C9orf85: variants seen among roughly 807,000 people sequenced by gnomAD.
C9orf85 encodes the protein uncharacterized protein C9orf85.
Under a neutral mutation model 14.9 loss-of-function variants are expected in C9orf85, and 16 were observed. The ratio of observed to expected loss-of-function variants is 1.08; its 90% CI spans 0.73 to 1.63. The LOEUF (loss-of-function observed/expected upper bound fraction) is 1.63. C9orf85 is among the 40% of genes most tolerant of loss of function. C9orf85 has a pLI of 0.00. For synonymous variants in C9orf85, 45 were observed against 56.8 expected (o/e 0.79, Z 0.93); for missense variants, 172 against 186.1 (o/e 0.92, Z 0.44).
At position 71,931,059 on chromosome 9, in the gene C9orf85, C is replaced by T. The variant is rs368698053; in HGVS notation, c.103-15947C>T. On this transcript the variant is annotated intron_variant, in intron 1 of 3. Transcript: ENST00000334731. ...AAAGGCCAGAAACTACTGATGTAAA[C>T]TTTATTTTTTCTGACCATGGAGGAA... 3.9e-4 allele frequency among the ~76,000 whole-genome samples: 60 copies of T among 152,236 alleles called. 2 individuals carry two copies. Among genetic ancestry groups the T allele is most frequent in the African/African-American group, 1.4e-3 (57 of 41,542 alleles).
chr9:71,952,328 T>C (rs1822264613), intron 2 of C9orf85, among the ~76,000 whole-genome samples: 1 of 149,244 alleles, frequency 6.7e-6, no homozygotes, highest in African/African-American at 2.5e-5. Flanking sequence ...CATATCCTGC[T>C]GAGGACCACC....
chr9:71,964,572 CG>C (rs1396170219), intron 2 of C9orf85, among the ~76,000 whole-genome samples: 7 of 151,886 alleles, frequency 4.6e-5, no homozygotes, highest in African/African-American at 9.7e-5. Context: ...CTTGAGCCAG[CG>C]AGACCACGAA....
At chr9:71,961,707 G>C (rs1030333876) in intron 2 of C9orf85, among the ~76,000 whole-genome samples, 1 of 152,048 alleles carries the variant, frequency 6.6e-6, no homozygotes, top group Non-Finnish European at 1.5e-5. Flanking sequence ...CCACAACCAT[G>C]GTCTTACTGT....
chr9:71,931,015 A>C (rs1485186799), intron 1 of C9orf85, among the ~76,000 whole-genome samples: 1 of 152,186 alleles, frequency 6.6e-6, no homozygotes, highest in Non-Finnish European at 1.5e-5. Flanking sequence ...GATTTGGCTT[A>C]AATTTCAGGA....
chr9:71,977,489 A>G (rs1289396960), downstream of C9orf85, among the ~76,000 whole-genome samples: 1 of 152,232 alleles, frequency 6.6e-6, no homozygotes, highest in South Asian at 2.1e-4. Context: ...AAGATTATAT[A>G]TGTAAGACCT....
intron 1 of C9orf85, among the ~76,000 whole-genome samples, chr9:71,928,120 G>T (rs1361552586): frequency 2.7e-5 from 4 of 150,346 alleles, no homozygotes; most frequent in Non-Finnish European, 4.4e-5. Flanking sequence ...CCAGGAGGCG[G>T]AGGTTACAGT....
rs1827486383 is a variant in C9orf85 at position 71,911,666 on chromosome 9, T to C, written c.-69T>C. 1.6e-6 allele frequency: 2 copies of C among 1,278,222 alleles called. No individual in the cohort carries two copies. Among genetic ancestry groups the C allele is most frequent in the Admixed American group, 1.7e-5 (1 of 59,310 alleles). 79.2% of individuals were successfully genotyped at this position (1,278,222 alleles called of 1,614,324 possible). A position where few individuals can be genotyped will look rare whatever the true frequency, so the allele number is the denominator to read the frequency against. Reference sequence around the variant, plus strand: ...TGACAGAAGCGTCAATTCCTGGGAGTAGTTCGTTGGTTTTCTTTCCCCTCA... The same window carrying C: ...TGACAGAAGCGTCAATTCCTGGGAGCAGTTCGTTGGTTTTCTTTCCCCTCA... On this transcript the variant is annotated 5_prime_UTR_variant, in exon 1 of 4. Transcript: ENST00000334731.
intron 1 of C9orf85, among the ~76,000 whole-genome samples, chr9:71,923,705 A>G (rs982554501): frequency 6.6e-6 from 1 of 152,136 alleles, no homozygotes; most frequent in Admixed American, 6.5e-5. Flanking sequence ...TCAGCTTTTT[A>G]TTAAACCACC....
chr9:71,921,810 A>G (rs2132255787), intron 1 of C9orf85, among the ~76,000 whole-genome samples: 1 of 152,246 alleles, frequency 6.6e-6, no homozygotes, highest in African/African-American at 2.4e-5. Flanking sequence ...GGTAATTAGC[A>G]TTAGGATTCT....
intron 1 of C9orf85, among the ~76,000 whole-genome samples, chr9:71,912,262 A>G (rs941674445): frequency 6.6e-6 from 1 of 152,160 alleles, no homozygotes; most frequent in Admixed American, 6.5e-5. Context: ...GTGAATGATT[A>G]AGCTGTCTTA....
intron 1 of C9orf85, among the ~76,000 whole-genome samples, chr9:71,931,666 T>C (rs1828073154): frequency 1.3e-5 from 2 of 152,202 alleles, no homozygotes; most frequent in Non-Finnish European, 2.9e-5. Context: ...CTATATAAGA[T>C]AGGAATAGTA....
chr9:71,968,099 T>TAGAGAGAGAGAG (rs140604366), intron 2 of C9orf85, among the ~76,000 whole-genome samples: 15 of 130,436 alleles, frequency 1.1e-4, no homozygotes, highest in Admixed American at 3.8e-4. Context: ...TATATATATA[T>TAGAGAGAGAGAG]ATAGAGAGAG....
chr9:71,931,053 T>TG (rs1828060375), intron 1 of C9orf85, among the ~76,000 whole-genome samples: 1 of 152,170 alleles, frequency 6.6e-6, no homozygotes, highest in South Asian at 2.1e-4. Context: ...AAACTACTGA[T>TG]GTAAACTTTA....
At chr9:71,980,512 A>G (rs571603075) in intron 3 of C9orf85, among the ~76,000 whole-genome samples, 172 of 152,222 alleles carry the variant, frequency 1.1e-3, no homozygotes, top group African/African-American at 3.9e-3. Flanking sequence ...ATATTACAAC[A>G]TGTCCGCAAA....
chr9:71,931,795 G>A (rs1046910851), intron 1 of C9orf85, among the ~76,000 whole-genome samples: 1 of 152,228 alleles, frequency 6.6e-6, no homozygotes, highest in African/African-American at 2.4e-5. Flanking sequence ...ACACTAACCA[G>A]TGTTGTTTAA....
chr9:71,977,327 G>A (rs895723788), downstream of C9orf85, among the ~76,000 whole-genome samples: 1 of 152,132 alleles, frequency 6.6e-6, no homozygotes, highest in African/African-American at 2.4e-5. Context: ...TGATACCTCA[G>A]CAAGTTTTAT....
At chr9:71,970,484 T>G (rs1023445370) in intron 2 of C9orf85, among the ~76,000 whole-genome samples, 2 of 152,224 alleles carry the variant, frequency 1.3e-5, no homozygotes, top group African/African-American at 4.8e-5. Flanking sequence ...ATTTTACTTT[T>G]ACATATTCTA....
chr9:71,978,883 A>T (rs2132375811), intron 3 of C9orf85, among the ~76,000 whole-genome samples: 1 of 152,234 alleles, frequency 6.6e-6, no homozygotes, highest in South Asian at 2.1e-4. Flanking sequence ...AAAATACAAA[A>T]AATTAGCCGG....
intron 1 of C9orf85, among the ~76,000 whole-genome samples, chr9:71,923,204 T>C (rs1827856753): frequency 6.6e-6 from 1 of 152,234 alleles, no homozygotes; most frequent in Non-Finnish European, 1.5e-5. Flanking sequence ...TGGGTAGTCC[T>C]GTCCATTAGC....
Sources: gnomAD v4.1 joint callset for allele counts (sites outside exome capture counted in the v4.1 genomes callset) on GRCh38, gnomAD v4.1.1 for gene constraint, MANE v1.5 for transcripts, NCBI Gene and HGNC (gene_info 2026-07-23, HGNC 2026-07-21) for gene names.